KIAA0825: variants seen among roughly 807,000 people sequenced by gnomAD.
KIAA0825 encodes KIAA0825.
In KIAA0825, 119 loss-of-function variants were observed where a neutral mutation model predicts 147.6. The observed-to-expected ratio is 0.81, with a 90% CI of 0.69 to 0.94. The LOEUF (loss-of-function observed/expected upper bound fraction) is 0.94. Ranked by LOEUF, KIAA0825 falls within the 40% of genes least tolerant of loss-of-function variation. The probability of loss-of-function intolerance (pLI) is 0.00; values close to 1 mark genes in which losing one functional copy is unlikely to be tolerated. For synonymous variants in KIAA0825, 470 were observed against 518.1 expected (o/e 0.91, Z 1.26); for missense variants, 1,381 against 1,472.7 (o/e 0.94, Z 1.02).
chr5:94,560,676 C>CT lies in KIAA0825; in HGVS notation c.-2+21756dup, dbSNP rs1777383596. Among the ~76,000 whole-genome samples, 6 of 152,110 alleles carry CT rather than the reference C, an allele frequency of 3.9e-5. No homozygotes were observed. In the South Asian group the frequency reaches 1.2e-3, roughly 32 times the overall value. ...TAAATGGTCACCAAGTTCTTGGATA[C>CT]TTTTTCTCCGTAAGATCTTAAATGG... On this transcript the variant is annotated intron_variant, in intron 2 of 20. Transcript: ENST00000682413.
At chr5:94,477,925 T>C (rs1762081203) in intron 6 of KIAA0825, among the ~76,000 whole-genome samples, 1 of 152,212 alleles carries the variant, frequency 6.6e-6, no homozygotes, top group Non-Finnish European at 1.5e-5. Flanking sequence ...TTTGATTCAG[T>C]ATGAATAATT....
chr5:94,236,478 T>C (rs1015042134), intron 20 of KIAA0825, among the ~76,000 whole-genome samples: 2 of 152,194 alleles, frequency 1.3e-5, no homozygotes, highest in African/African-American at 4.8e-5. Context: ...TGAAATCTAC[T>C]CTTGGTGAAG....
At chr5:94,187,375 T>A in intron 20 of KIAA0825, among the ~76,000 whole-genome samples, 1 of 142,430 alleles carries the variant, frequency 7.0e-6, no homozygotes, top group African/African-American at 2.6e-5. Flanking sequence ...AAAAAAAAGA[T>A]GAAAAACAGA....
chr5:94,411,553 G>T (rs756295897), intron 15 of KIAA0825, among the ~76,000 whole-genome samples: 1 of 152,118 alleles, frequency 6.6e-6, no homozygotes, highest in Non-Finnish European at 1.5e-5. Flanking sequence ...AACTAAACAT[G>T]ACTAAAACTA....
intron 17 of KIAA0825, among the ~76,000 whole-genome samples, chr5:94,394,301 C>T (rs1484801976): frequency 6.6e-6 from 1 of 152,106 alleles, no homozygotes; most frequent in Non-Finnish European, 1.5e-5. Context: ...ATATTGATAT[C>T]ATTTCAGAAA....
intron 4 of KIAA0825, among the ~76,000 whole-genome samples, chr5:94,521,551 ATC>A (rs1768209118): frequency 6.6e-6 from 1 of 151,748 alleles, no homozygotes; most frequent in African/African-American, 2.4e-5. Flanking sequence ...TTGAAAATTA[ATC>A]TGAGAATATT....
chr5:94,157,193 T>C (rs1359270079), intron 20 of KIAA0825, among the ~76,000 whole-genome samples: 5 of 152,220 alleles, frequency 3.3e-5, no homozygotes, highest in Non-Finnish European at 5.9e-5. Flanking sequence ...AATTATATTT[T>C]TGTTTTTCCT....
chr5:94,498,129 T>A (rs1584689540), intron 5 of KIAA0825, among the ~76,000 whole-genome samples: 2 of 152,246 alleles, frequency 1.3e-5, no homozygotes, highest in Non-Finnish European at 2.9e-5. Flanking sequence ...CTCAAAAGAC[T>A]TTAACAGCTA....
chr5:94,198,120 T>C (rs1583822599), intron 20 of KIAA0825, among the ~76,000 whole-genome samples: 2 of 152,144 alleles, frequency 1.3e-5, no homozygotes, highest in African/African-American at 4.8e-5. Context: ...TTTCCATGGG[T>C]TTGTGTCATC....
intron 20 of KIAA0825, among the ~76,000 whole-genome samples, chr5:94,199,727 G>A (rs1771484441): frequency 6.6e-6 from 1 of 152,182 alleles, no homozygotes; most frequent in African/African-American, 2.4e-5. Flanking sequence ...GGAGCCTGTG[G>A]GTGAGTACAT....
At chr5:94,223,684 T>C (rs1011870465) in intron 20 of KIAA0825, among the ~76,000 whole-genome samples, 19 of 152,214 alleles carry the variant, frequency 1.2e-4, no homozygotes, top group African/African-American at 4.6e-4. Flanking sequence ...GAAGGTGTTA[T>C]AAAAGGAACA....
intron 20 of KIAA0825, among the ~76,000 whole-genome samples, chr5:94,176,727 G>GTACTTTGGGAATA (rs1372202009): frequency 6.6e-6 from 1 of 152,064 alleles, no homozygotes; most frequent in Non-Finnish European, 1.5e-5. Flanking sequence ...GAATATAACA[G>GTACTTTGGGAATA]ATTAATGACC....
At chr5:94,551,566 A>C (rs1461230865) in intron 2 of KIAA0825, among the ~76,000 whole-genome samples, 1 of 152,128 alleles carries the variant, frequency 6.6e-6, no homozygotes, top group African/African-American at 2.4e-5. Context: ...TAATATATTA[A>C]AAATATTGAA....
rs573135218 is a variant in KIAA0825 at position 94,475,093 on chromosome 5, A to G, written c.1228-1574T>C. On this transcript the variant is annotated intron_variant, in intron 7 of 20. Coordinates refer to ENST00000682413, the MANE Select transcript of KIAA0825 (RefSeq NM_001145678.3). ...AACAGAGCGAGACTCCATCTCAAAA[A>G]AAAAAAAAAATTCATCAAAAACTGA... Among the ~76,000 whole-genome samples the G allele has an allele frequency of 1.3e-3, 197 of 152,236 alleles. 1 individual carries two copies. The highest frequency in any genetic ancestry group is 2.5e-3 in the Non-Finnish European group (167 of 68,016).
intron 5 of KIAA0825, among the ~76,000 whole-genome samples, chr5:94,494,555 C>A (rs954998692): frequency 1.3e-5 from 2 of 152,096 alleles, no homozygotes; most frequent in Non-Finnish European, 2.9e-5. Flanking sequence ...TATGCTGACA[C>A]TTTGAGGGAA....
At chr5:94,176,106 C>T (rs1213430993) in intron 20 of KIAA0825, among the ~76,000 whole-genome samples, 1 of 152,014 alleles carries the variant, frequency 6.6e-6, no homozygotes, top group Admixed American at 6.6e-5. Flanking sequence ...GGGGGTAGGG[C>T]CTGTTGAGAG....
rs1467350437 is a variant in KIAA0825 at position 94,151,480 on chromosome 5, G to A, written c.*2527C>T. Among the ~76,000 whole-genome samples, 2 of 136,222 alleles carry A rather than the reference G, an allele frequency of 1.5e-5. No homozygotes were observed. The highest frequency in any genetic ancestry group is 5.4e-5 in the African/African-American group (2 of 36,972). 89.4% of individuals were successfully genotyped at this position (136,222 alleles called of 152,430 possible). On this transcript the variant is annotated 3_prime_UTR_variant, in exon 21 of 21. Coordinates refer to ENST00000682413, the MANE Select transcript of KIAA0825 (RefSeq NM_001145678.3). ...ATTGAGTATAAAGTCAAAATAATCT[G>A]ATAAATCAATGACTTGTCACCTAAT...
chr5:94,510,983 G>A (rs1051782099), intron 5 of KIAA0825, among the ~76,000 whole-genome samples: 21 of 152,116 alleles, frequency 1.4e-4, no homozygotes, highest in African/African-American at 5.1e-4. Context: ...AAAATCCTAA[G>A]CCCCAAGGTG....
At position 94,569,296 on chromosome 5, in the gene KIAA0825, T is replaced by TA. The variant is rs559942342; in HGVS notation, c.-2+13136dup. 597 of 312,032 alleles carry TA rather than the reference T, an allele frequency of 1.9e-3. 1 individual carries two copies. The highest frequency in any genetic ancestry group is 2.9e-3 in the Non-Finnish European group (483 of 164,154). The allele number at this position is 312,032 out of a possible 1,614,324, so 19.3% of individuals were successfully genotyped here. ...AACCATTATACCCCCTAAATAAATT[T>TA]AAAAAAACCATTAAACCTATACAAC... On this transcript the variant is annotated intron_variant, in intron 2 of 20. Transcript: ENST00000682413.
Sources: gnomAD v4.1 joint callset for allele counts (sites outside exome capture counted in the v4.1 genomes callset) on GRCh38, gnomAD v4.1.1 for gene constraint, MANE v1.5 for transcripts, NCBI Gene and HGNC (gene_info 2026-07-23, HGNC 2026-07-21) for gene names.